The following CADPS variants were observed in gnomAD, a reference collection of about 807,000 sequenced individuals.
CADPS encodes calcium-dependent secretion activator 1.
CADPS carries 57 observed loss-of-function variants against 167.3 expected under a neutral mutation model. The observed-to-expected ratio is 0.34, with a 90% CI of 0.28 to 0.42. The LOEUF (loss-of-function observed/expected upper bound fraction) is 0.42. CADPS is among the 20% of genes least tolerant of loss of function. CADPS has a pLI of 1.00. For synonymous variants in CADPS, 676 were observed against 635.3 expected (o/e 1.06, Z -0.96); for missense variants, 1,414 against 1,738.1 (o/e 0.81, Z 3.32).
intron 1 of CADPS, among the ~76,000 whole-genome samples, chr3:62,870,834 G>T (rs1405531127): frequency 6.6e-6 from 1 of 152,104 alleles, no homozygotes; most frequent in Non-Finnish European, 1.5e-5. Flanking sequence ...ACACAAGGTA[G>T]CCACCCATCA....
At chr3:62,541,434 G>A (rs1157804889) in intron 11 of CADPS, among the ~76,000 whole-genome samples, 3 of 152,110 alleles carry the variant, frequency 2.0e-5, no homozygotes, top group Non-Finnish European at 4.4e-5. Context: ...ACTAAGCTTG[G>A]ATGGATAACG....
chr3:62,852,817 C>T (rs1470572388), intron 1 of CADPS, among the ~76,000 whole-genome samples: 2 of 152,190 alleles, frequency 1.3e-5, no homozygotes, highest in African/African-American at 4.8e-5. Flanking sequence ...GACATTTTTC[C>T]CTCAACACTT....
chr3:62,678,002 C>T (rs748965899), intron 3 of CADPS, among the ~76,000 whole-genome samples: 5 of 151,904 alleles, frequency 3.3e-5, no homozygotes, highest in Non-Finnish European at 5.9e-5. Context: ...TCTTGCTGAC[C>T]CCTGTGTTGT....
At chr3:62,833,718 CAG>C (rs968732799) in intron 1 of CADPS, among the ~76,000 whole-genome samples, 20 of 151,982 alleles carry the variant, frequency 1.3e-4, no homozygotes, top group African/African-American at 4.1e-4. Context: ...ATGAGGGAGA[CAG>C]AGAAGCTGGT....
chr3:62,842,717 A>G (rs547444189), intron 1 of CADPS, among the ~76,000 whole-genome samples: 1 of 152,334 alleles, frequency 6.6e-6, no homozygotes, highest in African/African-American at 2.4e-5. Flanking sequence ...AAAGTCAAAT[A>G]CAAGGTGATA....
chr3:62,521,200 C>A (rs1400683363), intron 13 of CADPS, among the ~76,000 whole-genome samples: 3 of 152,096 alleles, frequency 2.0e-5, no homozygotes, highest in African/African-American at 4.8e-5. Context: ...GAGGACCACA[C>A]TCTAAGTGCC....
At chr3:62,778,983 C>T (rs779561362) in intron 1 of CADPS, among the ~76,000 whole-genome samples, 34 of 151,840 alleles carry the variant, frequency 2.2e-4, no homozygotes, top group Non-Finnish European at 4.7e-4. Context: ...CTCCACCTGC[C>T]GGGTTCAAGC....
intron 26 of CADPS, among the ~76,000 whole-genome samples, chr3:62,451,569 C>T (rs1003664975): frequency 2.0e-5 from 3 of 151,874 alleles, no homozygotes; most frequent in African/African-American, 7.3e-5. Flanking sequence ...ACAGATACCA[C>T]CGCATTAGTG....
rs531965274 is a variant in CADPS, at chr3:62,719,836, C to T, written c.888+33605G>A. Among the ~76,000 whole-genome samples the T allele has an allele frequency of 3.3e-5, 5 of 152,272 alleles. No individual in the cohort carries two copies. The East Asian group carries it at 5.8e-4, about 18-fold the overall frequency. ...CACGGTAGGATTTGACTACTTTTAA[C>T]CTTGGGATTTGGTGGGGTTACACGA... On this transcript the variant is annotated intron_variant, in intron 3 of 29. Coordinates refer to ENST00000383710, the MANE Select transcript of CADPS (RefSeq NM_003716.4).
intron 1 of CADPS, among the ~76,000 whole-genome samples, chr3:62,839,426 G>C (rs1165596634): frequency 6.6e-6 from 1 of 152,086 alleles, no homozygotes; most frequent in African/African-American, 2.4e-5. Context: ...CATGGTCAGG[G>C]ACTTTCAAGC....
At chr3:62,861,465 A>G (rs149233304) in intron 1 of CADPS, among the ~76,000 whole-genome samples, 1 of 152,310 alleles carries the variant, frequency 6.6e-6, no homozygotes, top group East Asian at 1.9e-4. Flanking sequence ...CTATTGATTC[A>G]AGATACTTCT....
At chr3:62,607,644 C>G (rs1331106106) in intron 6 of CADPS, among the ~76,000 whole-genome samples, 30 of 152,130 alleles carry the variant, frequency 2.0e-4, no homozygotes, top group Admixed American at 2.0e-3. Flanking sequence ...CCAGCCCCAT[C>G]CCGTGAGACC....
At position 62,403,076 on chromosome 3, in the gene CADPS, T is replaced by C. The variant is rs776685299; in HGVS notation, c.3882+5A>G. 1.3e-6 allele frequency: 2 copies of C among 1,556,862 alleles called. No homozygotes were observed. Among genetic ancestry groups the C allele is most frequent in the Admixed American group, 3.4e-5 (2 of 58,842 alleles). ...GCAAAGAAGAATAATAATCTTTTCT[T>C]TTACCTTTACCATCCTAATTAGTGT... On this transcript the variant is annotated splice_donor_5th_base_variant and intron_variant, in intron 29 of 29. Coordinates refer to ENST00000383710, the MANE Select transcript of CADPS (RefSeq NM_003716.4).
chr3:62,474,156 T>TTTTTTTTTTTG lies in CADPS; in HGVS notation c.3477+16_3477+17insCAAAAAAAAAA. ...GAAGAGGGAAAAAAAAATCTGTATT[T>TTTTTTTTTTTG]TTTTTTTTTTTTTTACCTCTTGGCC... is the stretch of plus-strand genomic sequence containing the variant. On this transcript the variant is annotated intron_variant, in intron 24 of 29. Coordinates refer to ENST00000383710, the MANE Select transcript of CADPS (RefSeq NM_003716.4). 1 of 1,153,144 alleles carries TTTTTTTTTTTG rather than the reference T, an allele frequency of 8.7e-7. No homozygotes were observed. Among genetic ancestry groups the TTTTTTTTTTTG allele is most frequent in the Non-Finnish European group, 1.1e-6 (1 of 886,590 alleles). The allele number at this position is 1,153,144 out of a possible 1,614,324, so 71.4% of individuals were successfully genotyped here. A position where few individuals can be genotyped will look rare whatever the true frequency, so the allele number is the denominator to read the frequency against.
Position 62,856,876 on chromosome 3 carries a change from A to C in CADPS, c.441+17713T>G, listed in dbSNP as rs986178809. On this transcript the variant is annotated intron_variant, in intron 1 of 29. Coordinates refer to ENST00000383710, the MANE Select transcript of CADPS (RefSeq NM_003716.4). The stretch of plus-strand genomic sequence containing the variant: ...AAAAATATAAAGGTAAAAAAAAAAA[A>C]CACTATAAGTAGTAGAAGAAGATAG... 3.3e-5 allele frequency among the ~76,000 whole-genome samples: 5 copies of C among 151,330 alleles called. No homozygotes were observed. In the East Asian group the frequency reaches 5.8e-4, roughly 18 times the overall value.
At chr3:62,711,164 A>G (rs1426587505) in intron 3 of CADPS, among the ~76,000 whole-genome samples, 1 of 152,244 alleles carries the variant, frequency 6.6e-6, no homozygotes, top group Non-Finnish European at 1.5e-5. Context: ...AAAGGCATCC[A>G]ATTCTATTGA....
intron 6 of CADPS, among the ~76,000 whole-genome samples, chr3:62,604,000 T>TA (rs561912678): frequency 9.4e-4 from 143 of 151,860 alleles, no homozygotes; most frequent in Non-Finnish European, 1.6e-3. Context: ...CTAATTTTTT[T>TA]TTTTTATTTT....
chr3:62,819,671 C>T (rs1436311764), intron 1 of CADPS, among the ~76,000 whole-genome samples: 2 of 152,056 alleles, frequency 1.3e-5, no homozygotes, highest in Non-Finnish European at 2.9e-5. Flanking sequence ...GACTATGTAA[C>T]TAAGGTCAGT....
chr3:62,686,393 G>C (rs562931589), intron 3 of CADPS, among the ~76,000 whole-genome samples: 1 of 152,160 alleles, frequency 6.6e-6, no homozygotes, highest in South Asian at 2.1e-4. Flanking sequence ...GCTGACATCA[G>C]TGGACAGAAA....
Sources: gnomAD v4.1 joint callset for allele counts (sites outside exome capture counted in the v4.1 genomes callset) on GRCh38, gnomAD v4.1.1 for gene constraint, MANE v1.5 for transcripts, NCBI Gene and HGNC (gene_info 2026-07-23, HGNC 2026-07-21) for gene names.